ABHD2: variants seen among roughly 807,000 people sequenced by gnomAD.
ABHD2 encodes monoacylglycerol lipase ABHD2.
Under a neutral mutation model 48.1 loss-of-function variants are expected in ABHD2, and 20 were observed. The ratio of observed to expected loss-of-function variants is 0.42; its 90% CI spans 0.29 to 0.60. The LOEUF is 0.60. Among genes scored for constraint, ABHD2 ranks in the 20% least tolerant of loss-of-function variants. ABHD2 has a pLI of 0.24. For missense variants in ABHD2, 405 were observed against 550.9 expected (o/e 0.74, Z 2.65); for synonymous variants, 209 against 214.2 (o/e 0.98, Z 0.21).
chr15:89,068,412 C>A, the ABHD2 span, among the ~76,000 whole-genome samples: 6 of 152,170 alleles, frequency 3.9e-5, no homozygotes, highest in Non-Finnish European at 7.3e-5. Context: ...GCTGGAAAGA[C>A]TTGAAAGCTG....
Position 89,201,372 on chromosome 15 carries a change from G to C in ABHD2, c.*5949G>C. 1 of 1,083,160 alleles carries C rather than the reference G, an allele frequency of 9.2e-7. No homozygotes were observed. The highest frequency in any genetic ancestry group is 1.3e-5 in the South Asian group (1 of 76,780). 67.1% of individuals were successfully genotyped at this position (1,083,160 alleles called of 1,614,324 possible). On this transcript the variant is annotated 3_prime_UTR_variant, in exon 11 of 11. Coordinates refer to ENST00000352732, the MANE Select transcript of ABHD2 (RefSeq NM_152924.5). ...GGCCCGTCTTGCTTAGATGCATTCA[G>C]TGGGACAGCTTTGCTGGGTTCCATG...
chr15:89,067,536 C>T, the ABHD2 span, among the ~76,000 whole-genome samples: 2 of 152,062 alleles, frequency 1.3e-5, no homozygotes, highest in African/African-American at 4.8e-5. Flanking sequence ...TGTGGTGTGG[C>T]AGGGCAGGTT....
chr15:89,053,697 A>G, the ABHD2 span, among the ~76,000 whole-genome samples: 1 of 152,208 alleles, frequency 6.6e-6, no homozygotes, highest in South Asian at 2.1e-4. Flanking sequence ...TGGGAGCGAC[A>G]AGAGAAGCAG....
At position 89,202,018 on chromosome 15, in the gene ABHD2, T is replaced by C. The variant is rs1350029074; in HGVS notation, c.*6595T>C. ...TTTGTTTTGTTTTGTTTGGGTTTTC[T>C]GAAACTTAAAATGCTGCCCCGAAAA... is the stretch of plus-strand genomic sequence containing the variant. On this transcript the variant is annotated 3_prime_UTR_variant, in exon 11 of 11. Transcript: ENST00000352732. 3.3e-5 allele frequency: 14 copies of C among 422,088 alleles called. No homozygotes were observed. The highest frequency in any genetic ancestry group is 6.6e-4 in the Middle Eastern group (1 of 1,504). 26.1% of individuals were successfully genotyped at this position (422,088 alleles called of 1,614,324 possible). A position where few individuals can be genotyped will look rare whatever the true frequency, so the allele number is the denominator to read the frequency against.
At position 89,182,002 on chromosome 15, in the gene ABHD2, G is replaced by A. The variant is rs866426557; in HGVS notation, c.723-3422G>A. ...GAAAATGGCTTTGAAACCAGTATGG[G>A]TCATATTTTATTATAATTTAATGTT... On this transcript the variant is annotated intron_variant, in intron 6 of 10. Transcript: ENST00000352732. The surrounding 1 kb of genome is among the most constrained non-coding windows in gnomAD (Gnocchi z 4.8). Among the ~76,000 whole-genome samples, 2 of 152,222 alleles carry A rather than the reference G, an allele frequency of 1.3e-5. No homozygotes were observed. Among genetic ancestry groups the A allele is most frequent in the Admixed American group, 6.5e-5 (1 of 15,294 alleles).
the ABHD2 span, among the ~76,000 whole-genome samples, chr15:89,042,431 A>G: frequency 1.3e-5 from 2 of 152,072 alleles, no homozygotes; most frequent in South Asian, 2.1e-4. Context: ...CTGCTCCCCA[A>G]TTAGACCATC....
chr15:89,054,058 A>AAGG, the ABHD2 span, among the ~76,000 whole-genome samples: 27 of 152,212 alleles, frequency 1.8e-4, no homozygotes, highest in African/African-American at 6.0e-4. Flanking sequence ...ACAGTGGCTC[A>AAGG]CTCCTGTAAT....
At chr15:89,058,196 G>A in the ABHD2 span, among the ~76,000 whole-genome samples, 2 of 152,068 alleles carry the variant, frequency 1.3e-5, no homozygotes, top group African/African-American at 4.8e-5. Flanking sequence ...CCATTCCCCT[G>A]GCTCTCCACT....
intron 3 of ABHD2, among the ~76,000 whole-genome samples, chr15:89,140,808 A>G (rs2150866561): frequency 6.6e-6 from 1 of 152,270 alleles, no homozygotes; most frequent in Non-Finnish European, 1.5e-5. Context: ...TTGTTTCACA[A>G]CATGGCCTTA....
intron 3 of ABHD2, among the ~76,000 whole-genome samples, chr15:89,134,329 G>A (rs2050268452): frequency 6.6e-6 from 1 of 152,134 alleles, no homozygotes; most frequent in Non-Finnish European, 1.5e-5. Context: ...TTATCCTGGT[G>A]TGAGGTGTGG....
At chr15:89,057,277 T>C in the ABHD2 span, among the ~76,000 whole-genome samples, 1 of 152,196 alleles carries the variant, frequency 6.6e-6, no homozygotes, top group Non-Finnish European at 1.5e-5. Context: ...AGCCCCTTTG[T>C]AAGCATGTGA....
At position 89,145,004 on chromosome 15, in the gene ABHD2, C is replaced by A. The variant is rs1405281227; in HGVS notation, c.195-6673C>A. On this transcript the variant is annotated intron_variant, in intron 3 of 10. Transcript: ENST00000352732. ...GGGCACAGTGGCTCACACCTGTAAT[C>A]CCAGCACTTTGGGAGGCCAAGGCAG... 2.0e-5 allele frequency among the ~76,000 whole-genome samples: 3 copies of A among 152,174 alleles called. No individual in the cohort carries two copies. In the East Asian group the frequency reaches 5.8e-4, roughly 29 times the overall value.
At chr15:89,136,335 G>T in intron 3 of ABHD2, 1 of 509,568 alleles carries the variant, frequency 2.0e-6, no homozygotes, top group Non-Finnish European at 3.9e-6. Flanking sequence ...TTTCTGTTTA[G>T]TAGGCATGGT....
intron 6 of ABHD2, chr15:89,183,385 ATATATATAT>A (rs372022381): frequency 6.1e-4 from 11 of 17,954 alleles, no homozygotes; most frequent in Admixed American, 1.4e-3. Flanking sequence ...AAAAAAAAAA[ATATATATAT>A]ATATATATAT....
intron 3 of ABHD2, among the ~76,000 whole-genome samples, chr15:89,142,841 G>A (rs1021829401): frequency 6.6e-5 from 10 of 152,100 alleles, no homozygotes; most frequent in Non-Finnish European, 1.0e-4. Flanking sequence ...AATACCAGTC[G>A]GATTCTAGCC....
chr15:89,201,083 CA>C lies in ABHD2; in HGVS notation c.*5667del. 3 of 925,852 alleles carry C rather than the reference CA, an allele frequency of 3.2e-6. No homozygotes were observed. The highest frequency in any genetic ancestry group is 3.6e-6 in the Non-Finnish European group (2 of 562,320). The allele number at this position is 925,852 out of a possible 1,614,324, so 57.4% of individuals were successfully genotyped here. ...GGCAACAAGAGTGAGACTCCGTCTC[CA>C]AAAAAAGAAAAGGAATCCAGTGAAA... On this transcript the variant is annotated 3_prime_UTR_variant, in exon 11 of 11. Transcript: ENST00000352732.
intron 3 of ABHD2, among the ~76,000 whole-genome samples, chr15:89,142,674 C>T (rs181466055): frequency 1.1e-4 from 17 of 152,316 alleles, no homozygotes; most frequent in Non-Finnish European, 2.4e-4. Flanking sequence ...CAGCAAGTGG[C>T]CTGCCCAGCC....
chr15:89,098,340 C>G (rs60785779), intron 1 of ABHD2, among the ~76,000 whole-genome samples: 19,957 of 152,014 alleles, frequency 0.13, 1,529 homozygotes, highest in South Asian at 0.3. Flanking sequence ...GTTCTTTTTT[C>G]TCATTCAGAG....
At position 89,120,117 on chromosome 15, in the gene ABHD2, C is replaced by T. The variant is rs992387937; in HGVS notation, c.194+3596C>T. Among the ~76,000 whole-genome samples, 1 of 152,088 alleles carries T rather than the reference C, an allele frequency of 6.6e-6. No individual in the cohort carries two copies. Among genetic ancestry groups the T allele is most frequent in the African/African-American group, 2.4e-5 (1 of 41,416 alleles). ...GAAAGGTGAACATCGAAAGCATGCT[C>T]GAGGAGCAGGGATTACTGTTTTCCC... On this transcript the variant is annotated intron_variant, in intron 3 of 10. Transcript: ENST00000352732. This position sits in a 1 kb window ranked among gnomAD's most constrained non-coding sequence, Gnocchi z 4.2.
Sources: allele counts gnomAD v4.1 joint callset (sites outside exome capture counted in the v4.1 genomes callset), GRCh38; gene constraint gnomAD v4.1.1; non-coding constraint Gnocchi (gnomAD v3.1); transcripts MANE v1.5; gene names NCBI Gene and HGNC (gene_info 2026-07-23, HGNC 2026-07-21).